Variants in METAP2 observed in about 807,000 individuals in gnomAD.
The protein encoded by METAP2 is methionine aminopeptidase 2.
A neutral mutation model predicts 59.4 loss-of-function variants in METAP2; 25 were observed. That is an observed-to-expected ratio of 0.42 (90% CI 0.31 to 0.59). The LOEUF (loss-of-function observed/expected upper bound fraction) is 0.59. Ranked by LOEUF, METAP2 falls within the 20% of genes least tolerant of loss-of-function variation. The pLI, the probability that METAP2 is intolerant of heterozygous loss-of-function variation, is 0.16. For missense variants in METAP2, 366 were observed against 581.2 expected (o/e 0.63, Z 3.81); for synonymous variants, 214 against 194.1 (o/e 1.10, Z -0.85).
intron 8 of METAP2, among the ~76,000 whole-genome samples, chr12:95,508,138 A>T (rs1178251560): frequency 2.0e-5 from 3 of 152,052 alleles, no homozygotes; most frequent in African/African-American, 7.2e-5. Flanking sequence ...TTTACAATTT[A>T]TTTTTACATT....
chr12:95,515,356 A>C lies in METAP2; in HGVS notation c.*1452A>C, dbSNP rs1382199608. ...TAATGTTCAGTAGCCACATTTGACTAATGTCTCCATTCTCTGTGATGCTGT... is the reference window on the plus strand; with the variant it reads ...TAATGTTCAGTAGCCACATTTGACTCATGTCTCCATTCTCTGTGATGCTGT... On this transcript the variant is annotated 3_prime_UTR_variant, in exon 11 of 11. Coordinates refer to ENST00000323666, the MANE Select transcript of METAP2 (RefSeq NM_006838.4). 1 of 152,226 alleles carries C rather than the reference A, an allele frequency of 6.6e-6. No homozygotes were observed. The highest frequency in any genetic ancestry group is 1.5e-5 in the Non-Finnish European group (1 of 68,034). The allele number at this position is 152,226 out of a possible 1,614,324, so 9.4% of individuals were successfully genotyped here. A position where few individuals can be genotyped will look rare whatever the true frequency, so the allele number is the denominator to read the frequency against.
chr12:95,484,527 C>T (rs372685333), intron 3 of METAP2, among the ~76,000 whole-genome samples: 12 of 151,454 alleles, frequency 7.9e-5, no homozygotes, highest in East Asian at 3.9e-4. Context: ...TCTTCAAATA[C>T]TCTAAATTGC....
chr12:95,513,537 A>G (rs1315308423), intron 10 of METAP2, 115 bp from the exon 11 acceptor site: 1 of 1,189,710 alleles, frequency 8.4e-7, no homozygotes, highest in East Asian at 2.4e-5. Context: ...GAGCAACAAT[A>G]AAAGTTTTTG....
Position 95,515,007 on chromosome 12 carries a change from A to G in METAP2, c.*1103A>G, listed in dbSNP as rs903449567. On this transcript the variant is annotated 3_prime_UTR_variant, in exon 11 of 11. Transcript: ENST00000323666. The stretch of plus-strand genomic sequence containing the variant: ...TATTAATTTGTTTGAACTGAGGCCC[A>G]CTACTGATTCTTTGACAAATTGAAT... The G allele has an allele frequency of 1.3e-5, 2 of 152,644 alleles. No homozygotes were observed. Among genetic ancestry groups the G allele is most frequent in the Non-Finnish European group, 1.5e-5 (1 of 68,032 alleles). The allele number at this position is 152,644 out of a possible 1,614,324, so 9.5% of individuals were successfully genotyped here. A position where few individuals can be genotyped will look rare whatever the true frequency, so the allele number is the denominator to read the frequency against.
chr12:95,498,303 T>C (rs377250499), intron 7 of METAP2, among the ~76,000 whole-genome samples: 14 of 152,296 alleles, frequency 9.2e-5, no homozygotes, highest in South Asian at 4.1e-4. Context: ...TCGTTTGTTG[T>C]TGAGTTTTAG....
chr12:95,500,384 C>G (rs942752030), intron 7 of METAP2, among the ~76,000 whole-genome samples: 1 of 152,064 alleles, frequency 6.6e-6, no homozygotes, highest in Non-Finnish European at 1.5e-5. Flanking sequence ...AATTTAGATG[C>G]CTTTTTATTT....
At chr12:95,490,960 G>A (rs1035785833) in intron 4 of METAP2, among the ~76,000 whole-genome samples, 1 of 152,030 alleles carries the variant, frequency 6.6e-6, no homozygotes, top group Admixed American at 6.6e-5. Context: ...TTTGACAGAG[G>A]TATAAAATAA....
intron 7 of METAP2, among the ~76,000 whole-genome samples, chr12:95,499,469 G>A (rs2076299829): frequency 6.6e-6 from 1 of 151,666 alleles, no homozygotes; most frequent in African/African-American, 2.4e-5. Flanking sequence ...CTGTAGCTTT[G>A]TTGTAAGTTT....
intron 1 of METAP2, among the ~76,000 whole-genome samples, 164 bp from the exon 2 acceptor site, chr12:95,475,903 GGTAT>G (rs1327028612): frequency 2.0e-5 from 3 of 152,142 alleles, no homozygotes; most frequent in African/African-American, 7.2e-5. Flanking sequence ...ATACTGTGTA[GGTAT>G]GGAAGATTTT....
At chr12:95,483,173 A>G (rs1484975679) in intron 2 of METAP2, 42 bp from the exon 3 acceptor site, 5 of 1,480,144 alleles carry the variant, frequency 3.4e-6, no homozygotes, top group East Asian at 2.3e-5. Context: ...CCCTCTGCTT[A>G]TGAGGTTTAA....
intron 7 of METAP2, among the ~76,000 whole-genome samples, chr12:95,503,670 G>A (rs1379916264): frequency 6.6e-6 from 1 of 152,172 alleles, no homozygotes; most frequent in Non-Finnish European, 1.5e-5. Flanking sequence ...CAAGCTGTGT[G>A]CGTGTTGCTC....
chr12:95,475,475 C>T (rs1257354923), intron 1 of METAP2, among the ~76,000 whole-genome samples: 1 of 152,128 alleles, frequency 6.6e-6, no homozygotes, highest in Non-Finnish European at 1.5e-5. Context: ...GAATTCTCTC[C>T]AGTAGCCAGA....
chr12:95,506,894 A>G (rs562766179), intron 8 of METAP2, among the ~76,000 whole-genome samples: 1 of 151,904 alleles, frequency 6.6e-6, no homozygotes, highest in African/African-American at 2.4e-5. Context: ...GGATCACTAT[A>G]AGCTCAGCCT....
rs11503394 is a variant in METAP2 at position 95,501,414 on chromosome 12, C to T, written c.868-2651C>T. Among the ~76,000 whole-genome samples, 513 of 152,238 alleles carry T rather than the reference C, an allele frequency of 3.4e-3. 2 individuals carry two copies. The highest frequency in any genetic ancestry group is 0.012 in the African/African-American group (483 of 41,568). ...AAACCAAAGTTAATAATAATACTAG[C>T]TTTTAGAATAAAAATAATTTTGGCC... On this transcript the variant is annotated intron_variant, in intron 7 of 10. Coordinates refer to ENST00000323666, the MANE Select transcript of METAP2 (RefSeq NM_006838.4).
rs566293494 is a variant in METAP2, at chr12:95,507,579, T to A, written c.964+3418T>A. Among the ~76,000 whole-genome samples, 304 of 152,360 alleles carry A rather than the reference T, an allele frequency of 2.0e-3. 1 individual carries two copies. Among genetic ancestry groups the A allele is most frequent in the African/African-American group, 7.0e-3 (289 of 41,582 alleles). On this transcript the variant is annotated intron_variant, in intron 8 of 10. Transcript: ENST00000323666. ...CTTCTATACAGTATTTTCTTTAAAA[T>A]TTTTTTAAATTGTTAGCTCAAACAC...
At chr12:95,502,507 C>T (rs2076323895) in intron 7 of METAP2, among the ~76,000 whole-genome samples, 1 of 151,856 alleles carries the variant, frequency 6.6e-6, no homozygotes, top group South Asian at 2.1e-4. Context: ...TTCAGGTTTC[C>T]TTCTTTGTCC....
chr12:95,492,254 GC>G (rs1170827528), intron 4 of METAP2, among the ~76,000 whole-genome samples: 1 of 152,010 alleles, frequency 6.6e-6, no homozygotes, highest in Non-Finnish European at 1.5e-5. Flanking sequence ...TCCCACTTTG[GC>G]CTCCCAAACT....
At chr12:95,501,073 A>T (rs2076311882) in intron 7 of METAP2, among the ~76,000 whole-genome samples, 1 of 134,284 alleles carries the variant, frequency 7.4e-6, no homozygotes, top group East Asian at 2.2e-4. Flanking sequence ...GTACAGTGGT[A>T]TGAACACAGT....
intron 8 of METAP2, among the ~76,000 whole-genome samples, 180 bp from the exon 9 acceptor site, chr12:95,511,715 C>T (rs2076404415): frequency 6.6e-6 from 1 of 152,064 alleles, no homozygotes; most frequent in African/African-American, 2.4e-5. Context: ...AATAACACTG[C>T]AACTACTTTT....
Sources: gnomAD v4.1 joint callset for allele counts (sites outside exome capture counted in the v4.1 genomes callset) on GRCh38, gnomAD v4.1.1 for gene constraint, MANE v1.5 for transcripts, NCBI Gene and HGNC (gene_info 2026-07-23, HGNC 2026-07-21) for gene names.